The following CNNM2 variants were observed in gnomAD, a reference collection of about 807,000 sequenced individuals.
CNNM2 encodes cyclin and CBS domain divalent metal cation transport mediator 2.
Under a neutral mutation model 66.9 loss-of-function variants are expected in CNNM2, and 12 were observed. The ratio of observed to expected loss-of-function variants is 0.18; its 90% CI spans 0.11 to 0.29. The LOEUF is 0.29. Among genes scored for constraint, CNNM2 ranks in the 10% least tolerant of loss-of-function variants. CNNM2 has a pLI of 1.00. For missense variants in CNNM2, 705 were observed against 1,167.7 expected (o/e 0.60, Z 5.77); for synonymous variants, 557 against 501.8 (o/e 1.11, Z -1.47).
At chr10:103,009,635 T>G (rs12221335) in intron 1 of CNNM2, among the ~76,000 whole-genome samples, 1 of 133,336 alleles carries the variant, frequency 7.5e-6, no homozygotes, top group South Asian at 2.3e-4. Context: ...GAGGCTGCAG[T>G]GAGCCATGAT....
intron 1 of CNNM2, among the ~76,000 whole-genome samples, chr10:102,929,601 T>C (rs905144320): frequency 6.6e-6 from 1 of 152,224 alleles, no homozygotes; most frequent in Non-Finnish European, 1.5e-5. Flanking sequence ...TTATAGGTTC[T>C]ACTTTCCTTA....
intron 1 of CNNM2, among the ~76,000 whole-genome samples, chr10:103,025,971 C>A (rs2064694069): frequency 1.3e-5 from 2 of 152,140 alleles, no homozygotes; most frequent in African/African-American, 4.8e-5. Context: ...TCATCAGGTT[C>A]CTCGTGAATG....
chr10:103,007,256 A>G (rs2064247261), intron 1 of CNNM2, among the ~76,000 whole-genome samples: 1 of 152,220 alleles, frequency 6.6e-6, no homozygotes. Flanking sequence ...AACAAAGATC[A>G]CATGATTTTG....
intron 1 of CNNM2, among the ~76,000 whole-genome samples, chr10:103,020,210 C>T (rs1444519345): frequency 4.0e-5 from 6 of 151,684 alleles, no homozygotes; most frequent in African/African-American, 9.7e-5. Flanking sequence ...ACTAGAAATG[C>T]AATGGTGCGA....
chr10:102,965,139 T>C (rs1393193830), intron 1 of CNNM2, among the ~76,000 whole-genome samples: 1 of 152,212 alleles, frequency 6.6e-6, no homozygotes, highest in Non-Finnish European at 1.5e-5. Context: ...TCTTTACAAA[T>C]TACCCATTCT....
Position 102,942,954 on chromosome 10 carries a change from C to T in CNNM2, c.1621+22853C>T, listed in dbSNP as rs575897243. On this transcript the variant is annotated intron_variant, in intron 1 of 7. Coordinates refer to ENST00000369878, the MANE Select transcript of CNNM2 (RefSeq NM_017649.5). ...AGTCCAGGCGCGCCTGGATCACAGGCTGGTTCACGCCTGTGATCCCAGCAC... is the reference window on the plus strand; with the variant it reads ...AGTCCAGGCGCGCCTGGATCACAGGTTGGTTCACGCCTGTGATCCCAGCAC... Among the ~76,000 whole-genome samples, 369 of 152,170 alleles carry T rather than the reference C, an allele frequency of 2.4e-3. 2 individuals are homozygous for T. The highest frequency in any genetic ancestry group is 8.3e-3 in the African/African-American group (343 of 41,548).
chr10:103,025,173 C>T (rs1444863175), intron 1 of CNNM2, among the ~76,000 whole-genome samples: 1 of 152,150 alleles, frequency 6.6e-6, no homozygotes, highest in Non-Finnish European at 1.5e-5. Flanking sequence ...CTCGCGGCAA[C>T]CTCCAACTCC....
At chr10:102,946,706 C>T (rs747991502) in intron 1 of CNNM2, among the ~76,000 whole-genome samples, 8 of 152,318 alleles carry the variant, frequency 5.3e-5, no homozygotes, top group African/African-American at 1.7e-4. Context: ...TTCTGTTCTG[C>T]ACTTTTAGTG....
Position 103,078,849 on chromosome 10 carries a change from G to C in CNNM2, c.*1669G>C, listed in dbSNP as rs956178541. On this transcript the variant is annotated 3_prime_UTR_variant, in exon 8 of 8. Coordinates refer to ENST00000369878, the MANE Select transcript of CNNM2 (RefSeq NM_017649.5). ...CTGGGCTGTGTGCGGGGCAGGGAGC[G>C]TGGCTGAGGAGCAGACAGCAGCGGG... 6.6e-6 allele frequency: 1 copy of C among 152,540 alleles called. No individual in the cohort carries two copies. Among genetic ancestry groups the C allele is most frequent in the East Asian group, 1.9e-4 (1 of 5,204 alleles). 9.4% of individuals were successfully genotyped at this position (152,540 alleles called of 1,614,324 possible).
chr10:103,015,444 T>A (rs951018781), intron 1 of CNNM2, among the ~76,000 whole-genome samples: 5 of 150,464 alleles, frequency 3.3e-5, no homozygotes, highest in Middle Eastern at 3.4e-3. Context: ...TAATAAATAC[T>A]CATGTAATAA....
Position 103,089,499 on chromosome 10 carries a change from TACACAAAACCA to T in CNNM2, c.*12321_*12331del. ...TTGGACCATCTGCAGAGAGTACAGATACACAAAACCAAAACAAGTATCTATGATAATAAAAT... is the reference window on the plus strand; with the variant it reads ...TTGGACCATCTGCAGAGAGTACAGATAAACAAGTATCTATGATAATAAAAT... On this transcript the variant is annotated 3_prime_UTR_variant, in exon 8 of 8. Transcript: ENST00000369878. 1 of 1,228,276 alleles carries T rather than the reference TACACAAAACCA, an allele frequency of 8.1e-7. No homozygotes were observed. The highest frequency in any genetic ancestry group is 1.5e-5 in the African/African-American group (1 of 65,706). The allele number at this position is 1,228,276 out of a possible 1,614,324, so 76.1% of individuals were successfully genotyped here.
At chr10:103,035,007 G>A (rs1288111846) in intron 1 of CNNM2, among the ~76,000 whole-genome samples, 2 of 150,600 alleles carry the variant, frequency 1.3e-5, no homozygotes, top group Non-Finnish European at 3.0e-5. Context: ...ACTATTGGCT[G>A]GGCATGGTGG....
At chr10:102,948,997 C>T (rs930155858) in intron 1 of CNNM2, among the ~76,000 whole-genome samples, 1 of 152,196 alleles carries the variant, frequency 6.6e-6, no homozygotes, top group African/African-American at 2.4e-5. Flanking sequence ...ACCTCACATA[C>T]GCTGCTCTCT....
Position 103,054,504 on chromosome 10 carries a change from C to A in CNNM2, c.1903+38C>A. Reference sequence around the variant, plus strand: ...TATCACAGTTTGAGATCTCTACCAACCCTGAAGCGTGTTTCTCACCCACCA... The same window carrying A: ...TATCACAGTTTGAGATCTCTACCAAACCTGAAGCGTGTTTCTCACCCACCA... On this transcript the variant is annotated intron_variant, in intron 3 of 7. Transcript: ENST00000369878. The surrounding 1 kb of genome is among the most constrained non-coding windows in gnomAD (Gnocchi z 5.2). 1 of 1,597,564 alleles carries A rather than the reference C, an allele frequency of 6.3e-7. No homozygotes were observed. Among genetic ancestry groups the A allele is most frequent in the Non-Finnish European group, 8.6e-7 (1 of 1,169,450 alleles).
chr10:103,002,726 G>A (rs755027393), intron 1 of CNNM2, among the ~76,000 whole-genome samples: 15 of 152,144 alleles, frequency 9.9e-5, no homozygotes, highest in Admixed American at 4.6e-4. Flanking sequence ...TGATCCACTT[G>A]CCTCAGCCTC....
chr10:102,930,543 T>A (rs1846029136), intron 1 of CNNM2, among the ~76,000 whole-genome samples: 1 of 152,242 alleles, frequency 6.6e-6, no homozygotes, highest in Admixed American at 6.5e-5. Flanking sequence ...TTTAAAATTT[T>A]AAAAATTGAG....
Position 103,025,253 on chromosome 10 carries a change from G to A in CNNM2, c.1622-24454G>A, listed in dbSNP as rs1035478523. On this transcript the variant is annotated intron_variant, in intron 1 of 7. Transcript: ENST00000369878. ...ATTACAGGCATGTGCCACCATGCCC[G>A]GCTAATTTTTGTATTTTAGTAGAGG... Among the ~76,000 whole-genome samples the A allele has an allele frequency of 8.5e-5, 13 of 152,136 alleles. 1 individual carries two copies. Among genetic ancestry groups the A allele is most frequent in the Middle Eastern group, 3.4e-3 (1 of 294 alleles).
intron 1 of CNNM2, among the ~76,000 whole-genome samples, chr10:103,040,102 G>T (rs1007378160): frequency 9.2e-5 from 14 of 152,028 alleles, no homozygotes; most frequent in Admixed American, 9.2e-4. Flanking sequence ...GGGAGGTAGA[G>T]GTTGTAATGA....
intron 4 of CNNM2, among the ~76,000 whole-genome samples, chr10:103,062,505 T>C (rs80200167): frequency 0.014 from 2,068 of 152,366 alleles, 27 homozygotes; most frequent in Admixed American, 0.019. Flanking sequence ...ATTATACTAC[T>C]TAAGTATATG....
Sources: gnomAD v4.1 joint callset for allele counts (sites outside exome capture counted in the v4.1 genomes callset) on GRCh38, gnomAD v4.1.1 for gene constraint, Gnocchi (gnomAD v3.1) non-coding constraint, MANE v1.5 for transcripts, NCBI Gene and HGNC (gene_info 2026-07-23, HGNC 2026-07-21) for gene names.